LCORL: variants seen among roughly 807,000 people sequenced by gnomAD.
The protein encoded by LCORL is ligand-dependent nuclear receptor corepressor-like protein.
A neutral mutation model predicts 141.8 loss-of-function variants in LCORL; 41 were observed. The observed-to-expected ratio is 0.29, with a 90% CI of 0.23 to 0.38. The LOEUF (loss-of-function observed/expected upper bound fraction) is 0.38, where lower values mean the gene tolerates loss of function less well. Among genes scored for constraint, LCORL ranks in the 10% least tolerant of loss-of-function variants. LCORL has a pLI of 1.00. For synonymous variants in LCORL, 618 were observed against 694.1 expected (o/e 0.89, Z 1.72); for missense variants, 1,759 against 2,035.0 (o/e 0.86, Z 2.61).
intron 4 of LCORL, among the ~76,000 whole-genome samples, chr4:17,945,929 G>A (rs1462780303): frequency 6.6e-6 from 1 of 151,428 alleles, no homozygotes; most frequent in Non-Finnish European, 1.5e-5. Flanking sequence ...ATACCATGAA[G>A]AACTTAGAAA....
intron 1 of LCORL, among the ~76,000 whole-genome samples, chr4:17,992,138 G>A (rs2109782002): frequency 6.6e-6 from 1 of 152,254 alleles, no homozygotes; most frequent in East Asian, 1.9e-4. Context: ...AAGCAAAGAG[G>A]GTTAATTGAC....
chr4:17,998,240 C>T (rs1478640144), intron 1 of LCORL, among the ~76,000 whole-genome samples: 4 of 152,224 alleles, frequency 2.6e-5, no homozygotes, highest in East Asian at 1.9e-4. Context: ...AATGTGAAAG[C>T]CTAGGACATT....
chr4:17,854,075 G>T (rs1281659021), intron 7 of LCORL, among the ~76,000 whole-genome samples: 2 of 152,102 alleles, frequency 1.3e-5, no homozygotes, highest in African/African-American at 4.8e-5. Context: ...GAGACAAGGG[G>T]AAGAAATATT....
At position 17,884,393 on chromosome 4, in the gene LCORL, G is replaced by A; in HGVS notation, c.776+1675C>T. The A allele has an allele frequency of 6.5e-7, 1 of 1,548,964 alleles. No homozygotes were observed. The highest frequency in any genetic ancestry group is 2.4e-5 in the East Asian group (1 of 40,888). Reference sequence around the variant, plus strand: ...TAGAGTTAGCTGATGGAGGTAAGTGGAAGCTGTTGGGAATTTTATTTCTGA... The same window carrying A: ...TAGAGTTAGCTGATGGAGGTAAGTGAAAGCTGTTGGGAATTTTATTTCTGA... On this transcript the variant is annotated intron_variant, in intron 6 of 7. Coordinates refer to ENST00000635767, the Ensembl canonical transcript of LCORL. The surrounding 1 kb of genome is among the most constrained non-coding windows in gnomAD (Gnocchi z 4.4).
chr4:17,863,360 CAAA>C (rs1256490754), intron 7 of LCORL, among the ~76,000 whole-genome samples: 1 of 152,050 alleles, frequency 6.6e-6, no homozygotes, highest in African/African-American at 2.4e-5. Flanking sequence ...AGACACTTTT[CAAA>C]AGAAGACATT....
chr4:17,876,651 C>G, exon 7 of LCORL: 1 of 1,230,638 alleles, frequency 8.1e-7, no homozygotes, highest in Admixed American at 4.2e-5. Context: ...AGAATACCAC[C>G]CTGGAGGCAC....
intron 4 of LCORL, chr4:17,912,556 C>T (rs549592460): frequency 1.5e-5 from 7 of 455,820 alleles, no homozygotes; most frequent in East Asian, 5.7e-5. Flanking sequence ...CACAGTCTGC[C>T]GGAATTGGAG....
At chr4:17,984,621 CT>C (rs1718618960) in intron 1 of LCORL, among the ~76,000 whole-genome samples, 1 of 151,990 alleles carries the variant, frequency 6.6e-6, no homozygotes, top group Non-Finnish European at 1.5e-5. Flanking sequence ...GTAACATCCC[CT>C]TTGTCTTTTC....
At chr4:17,939,528 A>T (rs944562015) in intron 4 of LCORL, among the ~76,000 whole-genome samples, 4 of 152,174 alleles carry the variant, frequency 2.6e-5, no homozygotes, top group African/African-American at 7.2e-5. Context: ...TGTTCATAGC[A>T]GCCTCATTAA....
In LCORL at chr4:17,858,354, G is replaced by A. The variant is rs145553020; in HGVS notation, c.5603-12453C>T. Among the ~76,000 whole-genome samples the A allele has an allele frequency of 7.9e-5, 12 of 151,988 alleles. No individual in the cohort carries two copies. In the East Asian group the frequency reaches 1.9e-3, roughly 24 times the overall value. ...AAAAAACTAAACAAAAGTGAATCGCGTATCAGTGACCTGTGGGATAAATAC... is the reference window on the plus strand; with the variant it reads ...AAAAAACTAAACAAAAGTGAATCGCATATCAGTGACCTGTGGGATAAATAC... On this transcript the variant is annotated intron_variant, in intron 7 of 7. Transcript: ENST00000635767.
intron 6 of LCORL, chr4:17,881,318 G>A: frequency 1.0e-6 from 1 of 981,200 alleles, no homozygotes; most frequent in Non-Finnish European, 1.2e-6. Flanking sequence ...TACTTTGAAA[G>A]TTTAACATAA....
chr4:17,996,173 C>T (rs2109800723), intron 1 of LCORL, among the ~76,000 whole-genome samples: 1 of 152,114 alleles, frequency 6.6e-6, no homozygotes, highest in Middle Eastern at 3.4e-3. Context: ...AGATATATTC[C>T]AACCAGGATA....
chr4:17,978,498 C>T (rs768172816), intron 1 of LCORL, among the ~76,000 whole-genome samples: 2 of 150,898 alleles, frequency 1.3e-5, no homozygotes, highest in African/African-American at 2.5e-5. Context: ...AATTGGGTGG[C>T]TGAAGTGGAG....
intron 4 of LCORL, among the ~76,000 whole-genome samples, chr4:17,943,865 A>G (rs1249330224): frequency 6.6e-6 from 1 of 152,170 alleles, no homozygotes; most frequent in Non-Finnish European, 1.5e-5. Flanking sequence ...CATTATCACA[A>G]AAGAAAACTT....
At chr4:17,997,964 T>C (rs890582260) in intron 1 of LCORL, among the ~76,000 whole-genome samples, 9 of 152,186 alleles carry the variant, frequency 5.9e-5, no homozygotes, top group Non-Finnish European at 5.9e-5. Context: ...TTCTGATAAA[T>C]GCATCTTTGA....
chr4:17,986,497 G>A (rs946664499), intron 1 of LCORL, among the ~76,000 whole-genome samples: 3 of 152,056 alleles, frequency 2.0e-5, no homozygotes, highest in African/African-American at 7.2e-5. Context: ...TCTTATTTCA[G>A]ACAGCCAGTC....
intron 4 of LCORL, among the ~76,000 whole-genome samples, chr4:17,936,114 T>A (rs1736812343): frequency 6.6e-6 from 1 of 152,176 alleles, no homozygotes; most frequent in African/African-American, 2.4e-5. Flanking sequence ...TCCCTACTTT[T>A]AATTCAAAGA....
At chr4:17,891,175 T>C (rs902795894) in intron 5 of LCORL, among the ~76,000 whole-genome samples, 3 of 152,186 alleles carry the variant, frequency 2.0e-5, no homozygotes, top group South Asian at 2.1e-4. Flanking sequence ...TCTTAACTCA[T>C]CCAGTTCTCA....
At chr4:17,936,793 T>C (rs538406660) in intron 4 of LCORL, among the ~76,000 whole-genome samples, 1 of 152,278 alleles carries the variant, frequency 6.6e-6, no homozygotes, top group South Asian at 2.1e-4. Flanking sequence ...TTTTTTGCAG[T>C]AGGGGTGGCA....
Sources: allele counts gnomAD v4.1 joint callset (sites outside exome capture counted in the v4.1 genomes callset), GRCh38; gene constraint gnomAD v4.1.1; non-coding constraint Gnocchi (gnomAD v3.1); transcripts MANE v1.5; gene names NCBI Gene and HGNC (gene_info 2026-07-23, HGNC 2026-07-21).